The following KCNMB2 variants were observed in gnomAD, a reference collection of about 807,000 sequenced individuals.
KCNMB2 encodes the protein potassium calcium-activated channel subfamily M regulatory beta subunit 2.
A neutral mutation model predicts 24.5 loss-of-function variants in KCNMB2; 9 were observed. The ratio of observed to expected loss-of-function variants is 0.37; its 90% CI spans 0.22 to 0.64. The LOEUF is 0.64. Among genes scored for constraint, KCNMB2 ranks in the 30% least tolerant of loss-of-function variants. KCNMB2 has a pLI of 0.63. For synonymous variants in KCNMB2, 109 were observed against 104.4 expected (o/e 1.04, Z -0.27); for missense variants, 226 against 284.3 (o/e 0.79, Z 1.47).
At chr3:178,826,507 T>G (rs1037314165) in intron 3 of KCNMB2, among the ~76,000 whole-genome samples, 4 of 152,210 alleles carry the variant, frequency 2.6e-5, no homozygotes, top group African/African-American at 9.7e-5. Flanking sequence ...ATAGCAAGTG[T>G]ACTCCTGTCC....
At chr3:178,653,652 CAATT>C (rs1720213904) in intron 1 of KCNMB2, among the ~76,000 whole-genome samples, 1 of 151,968 alleles carries the variant, frequency 6.6e-6, no homozygotes, top group African/African-American at 2.4e-5. Context: ...ACTAAAGTAA[CAATT>C]GATATAATTA....
At chr3:178,624,214 C>T (rs1484283464) in intron 1 of KCNMB2, among the ~76,000 whole-genome samples, 2 of 147,552 alleles carry the variant, frequency 1.4e-5, no homozygotes, top group South Asian at 2.1e-4. Context: ...AAATAAATAA[C>T]AAAACAAACA....
intron 1 of KCNMB2, among the ~76,000 whole-genome samples, chr3:178,689,432 G>A (rs4501091): frequency 0.33 from 49,750 of 151,802 alleles, 8,871 homozygotes; most frequent in African/African-American, 0.47. Flanking sequence ...TCAGGAGATC[G>A]AGACCATCCT....
chr3:178,579,941 A>C (rs1213511966), intron 1 of KCNMB2, among the ~76,000 whole-genome samples: 1 of 152,164 alleles, frequency 6.6e-6, no homozygotes, highest in Non-Finnish European at 1.5e-5. Context: ...TATCAGAGGT[A>C]AAAGAGAATT....
At chr3:178,732,773 T>C (rs9819505) in intron 1 of KCNMB2, among the ~76,000 whole-genome samples, 73,958 of 152,066 alleles carry the variant, frequency 0.49, 18,471 homozygotes, top group African/African-American at 0.61. Flanking sequence ...TTGATGAAAA[T>C]GTGACCAGAG....
At position 178,807,479 on chromosome 3, in the gene KCNMB2, G is replaced by A. The variant is rs1714019008; in HGVS notation, c.56+14G>A. 2 of 1,610,444 alleles carry A rather than the reference G, an allele frequency of 1.2e-6. No homozygotes were observed. Among genetic ancestry groups the A allele is most frequent in the Non-Finnish European group, 1.7e-6 (2 of 1,176,934 alleles). Reference sequence around the variant, plus strand: ...TGATGAAAAAAGGTAAATGCACTGGGATTCTGGGCACTTTTCAGAAGCATT... The same window carrying A: ...TGATGAAAAAAGGTAAATGCACTGGAATTCTGGGCACTTTTCAGAAGCATT... On this transcript the variant is annotated intron_variant, in intron 2 of 4. Coordinates refer to ENST00000452583, the MANE Select transcript of KCNMB2 (RefSeq NM_181361.3).
At chr3:178,731,963 C>T (rs1314001033) in intron 1 of KCNMB2, among the ~76,000 whole-genome samples, 3 of 152,218 alleles carry the variant, frequency 2.0e-5, no homozygotes, top group Admixed American at 2.0e-4. Context: ...ACAGGAAGTA[C>T]AGGGGACAGA....
At chr3:178,759,361 A>ATATC (rs1226859058) in intron 1 of KCNMB2, among the ~76,000 whole-genome samples, 394 of 30,460 alleles carry the variant, frequency 0.013, 20 homozygotes, top group Non-Finnish European at 0.017. Flanking sequence ...ATATATATAT[A>ATATC]TCTCCAAGAG....
intron 1 of KCNMB2, among the ~76,000 whole-genome samples, chr3:178,712,725 G>GA (rs1359331232): frequency 9.2e-5 from 14 of 152,280 alleles, no homozygotes; most frequent in African/African-American, 3.4e-4. Context: ...ATAAATATCA[G>GA]AGCCAGGATT....
At chr3:178,725,910 T>A (rs1243488251) in intron 1 of KCNMB2, among the ~76,000 whole-genome samples, 2 of 151,940 alleles carry the variant, frequency 1.3e-5, no homozygotes, top group Non-Finnish European at 2.9e-5. Context: ...TCTCTATGTT[T>A]TAGTTGGTAT....
intron 2 of KCNMB2, among the ~76,000 whole-genome samples, chr3:178,813,334 T>C (rs34478417): frequency 0.087 from 13,297 of 152,272 alleles, 733 homozygotes; most frequent in Middle Eastern, 0.21. Context: ...GTATCAATCA[T>C]GATATCATTT....
At chr3:178,807,511 G>A (rs1311313867) in intron 2 of KCNMB2, 46 bp downstream of exon 2, 5 of 1,515,042 alleles carry the variant, frequency 3.3e-6, no homozygotes, top group Non-Finnish European at 4.6e-6. Context: ...CATTTAACCT[G>A]ACTCTCCAAA....
intron 1 of KCNMB2, chr3:178,748,261 C>T (rs1227117297): frequency 6.6e-6 from 1 of 152,182 alleles, no homozygotes; most frequent in East Asian, 1.9e-4. Context: ...GTTTAGTCTA[C>T]TGTAAAATAA....
At chr3:178,667,081 T>C (rs1167192263) in intron 1 of KCNMB2, among the ~76,000 whole-genome samples, 2 of 152,190 alleles carry the variant, frequency 1.3e-5, no homozygotes, top group African/African-American at 2.4e-5. Context: ...TTGTTATATT[T>C]ATTTTATTTT....
intron 1 of KCNMB2, among the ~76,000 whole-genome samples, chr3:178,651,995 C>T (rs1310477206): frequency 1.3e-5 from 2 of 152,288 alleles, no homozygotes; most frequent in African/African-American, 4.8e-5. Context: ...CAATACCATT[C>T]AGGACATAGG....
At chr3:178,839,785 C>T (rs185765410) in intron 4 of KCNMB2, among the ~76,000 whole-genome samples, 307 of 152,254 alleles carry the variant, frequency 2.0e-3, no homozygotes, top group Admixed American at 4.3e-3. Context: ...CAGTCACCTC[C>T]CACCAGGTCC....
intron 1 of KCNMB2, among the ~76,000 whole-genome samples, chr3:178,671,519 C>T (rs1479235539): frequency 6.6e-6 from 1 of 152,098 alleles, no homozygotes; most frequent in African/African-American, 2.4e-5. Context: ...TCTCAGCCCC[C>T]AGTGTCTCAG....
chr3:178,563,818 C>T (rs540437364), intron 1 of KCNMB2, among the ~76,000 whole-genome samples: 2 of 152,286 alleles, frequency 1.3e-5, no homozygotes, highest in South Asian at 4.1e-4. Context: ...AATTTAGGAT[C>T]TGCAATCTCT....
chr3:178,828,313 T>G lies in KCNMB2; in HGVS notation c.363T>G (p.Thr121=). The change falls in exon 4 of 5, where the codon ACT becomes ACG. Residue 121 remains threonine (T), a synonymous_variant. Transcript: ENST00000452583. ...GCCTCCAGGTGTACGTTAACCTGAC[T>G]TCTTCCGGGGAAAAGCTCCTCCTCT... ...YPCLQVYVNL[T]SSGEKLLLYH... 1.2e-6 allele frequency: 2 copies of G among 1,614,002 alleles called. No homozygotes were observed.
Sources: gnomAD v4.1 joint callset for allele counts (sites outside exome capture counted in the v4.1 genomes callset) on GRCh38, gnomAD v4.1.1 for gene constraint, MANE v1.5 for transcripts, NCBI Gene and HGNC (gene_info 2026-07-23, HGNC 2026-07-21) for gene names.